TIAM1: variants seen among roughly 807,000 people sequenced by gnomAD.
TIAM1 encodes TIAM Rac1 associated GEF 1.
A neutral mutation model predicts 163.5 loss-of-function variants in TIAM1; 65 were observed. The observed-to-expected ratio is 0.40, with a 90% CI of 0.33 to 0.49. The LOEUF (loss-of-function observed/expected upper bound fraction) is 0.49. Ranked by LOEUF, TIAM1 falls within the 20% of genes least tolerant of loss-of-function variation. TIAM1 has a pLI of 0.77. For synonymous variants in TIAM1, 833 were observed against 810.1 expected, an observed-to-expected ratio of 1.03 and a Z score of -0.48; for missense variants, 1,789 against 2,044.7, an observed-to-expected ratio of 0.87 and a Z score of 2.41.
At chr21:31,505,415 G>A (rs2046991713) in intron 1 of TIAM1, among the ~76,000 whole-genome samples, 2 of 152,008 alleles carry the variant, frequency 1.3e-5, no homozygotes, top group African/African-American at 4.8e-5. Flanking sequence ...GATAAACAAA[G>A]AGCAAAGAGA....
At chr21:31,343,153 A>G (rs2076069431) in intron 1 of TIAM1, among the ~76,000 whole-genome samples, 1 of 152,186 alleles carries the variant, frequency 6.6e-6, no homozygotes, top group African/African-American at 2.4e-5. Flanking sequence ...AACAAAAACC[A>G]GCTCCAGCTG....
In TIAM1 at chr21:31,182,614, G is replaced by A; in HGVS notation, c.2694C>T (p.Ile898=). Residue 898 remains isoleucine, a synonymous_variant, in exon 15 of 28, where the codon ATC becomes ATT. Transcript: ENST00000541036. The part of the protein sequence containing the change: ...GLKAGDEILE[I]NNRAADALNS... ...TCAGGGCGTCAGCAGCACGATTATT[G>A]ATCTCAAGAATCTCATCTCCTGCTT... The A allele has an allele frequency of 1.9e-6, 3 of 1,612,442 alleles. No homozygotes were observed. The highest frequency in any genetic ancestry group is 2.5e-6 in the Non-Finnish European group (3 of 1,179,556).
chr21:31,162,758 C>T (rs1031087690), intron 16 of TIAM1, among the ~76,000 whole-genome samples: 2 of 151,968 alleles, frequency 1.3e-5, no homozygotes, highest in African/African-American at 4.8e-5. Context: ...TCTCCTGCCT[C>T]AGCCTCCCGA....
chr21:31,558,812 G>C (rs2048985808), intron 1 of TIAM1: 1 of 152,300 alleles, frequency 6.6e-6, no homozygotes, highest in African/African-American at 2.4e-5. Context: ...CAGTGTGCGG[G>C]AGACGGGGGT....
At chr21:31,364,148 G>C (rs918698130) in intron 2 of TIAM1, among the ~76,000 whole-genome samples, 1 of 152,142 alleles carries the variant, frequency 6.6e-6, no homozygotes, top group African/African-American at 2.4e-5. Flanking sequence ...AATAGCACTA[G>C]CCGATAGCTT....
chr21:31,504,493 A>G (rs1480531668), intron 1 of TIAM1, among the ~76,000 whole-genome samples: 5 of 152,236 alleles, frequency 3.3e-5, no homozygotes, highest in Non-Finnish European at 7.3e-5. Flanking sequence ...ATGCCACTGT[A>G]AGAAGCAGAA....
At chr21:31,186,921 C>T (rs1249255365) in intron 14 of TIAM1, 80 bp downstream of exon 14, 8 of 1,148,698 alleles carry the variant, frequency 7.0e-6, no homozygotes, top group Non-Finnish European at 1.0e-5. Context: ...ATCCTTTGGG[C>T]ATATCTTTCT....
At chr21:31,185,080 T>A (rs1273062180) in intron 14 of TIAM1, among the ~76,000 whole-genome samples, 1 of 152,170 alleles carries the variant, frequency 6.6e-6, no homozygotes, top group Non-Finnish European at 1.5e-5. Context: ...ACACAACAGA[T>A]GCAAGGTAAG....
chr21:31,528,815 TAAAC>T (rs1411863903), intron 1 of TIAM1, among the ~76,000 whole-genome samples: 12 of 76,752 alleles, frequency 1.6e-4, no homozygotes, highest in East Asian at 8.9e-4. Flanking sequence ...AATAAATAAA[TAAAC>T]AAACAAATTA....
At chr21:31,225,382 A>C (rs1250069448) in intron 7 of TIAM1, among the ~76,000 whole-genome samples, 1 of 152,184 alleles carries the variant, frequency 6.6e-6, no homozygotes, top group South Asian at 2.1e-4. Flanking sequence ...AGTCCCCACC[A>C]TAAGAGAACT....
Position 31,468,482 on chromosome 21 carries a change from C to CA in TIAM1, c.-421-4448dup, listed in dbSNP as rs1028649328. On this transcript the variant is annotated intron_variant, in intron 1 of 28. Transcript: ENST00000286827. ...TGGACAACAAAGTGAGACTACCTCT[C>CA]AAAAAAAAAAAAGACCGGGCACGGT... Among the ~76,000 whole-genome samples, 874 of 132,546 alleles carry CA rather than the reference C, an allele frequency of 6.6e-3. 10 individuals are homozygous for CA. Among genetic ancestry groups the CA allele is most frequent in the African/African-American group, 0.021 (735 of 35,834 alleles). 87.0% of individuals were successfully genotyped at this position (132,546 alleles called of 152,430 possible).
chr21:31,195,390 C>T (rs2085795419), intron 12 of TIAM1, 85 bp from the exon 13 acceptor site: 1 of 946,990 alleles, frequency 1.1e-6, no homozygotes, highest in African/African-American at 1.7e-5. Context: ...TCTATTTTTT[C>T]ACAATTGATA....
chr21:31,494,610 C>T (rs1449199823), intron 1 of TIAM1, among the ~76,000 whole-genome samples: 2 of 152,138 alleles, frequency 1.3e-5, no homozygotes, highest in South Asian at 2.1e-4. Context: ...TTTGGGAGGC[C>T]GAGGCAGGTG....
intron 5 of TIAM1, among the ~76,000 whole-genome samples, 173 bp downstream of exon 5, chr21:31,251,569 G>A (rs2071804940): frequency 1.3e-5 from 2 of 152,196 alleles, no homozygotes; most frequent in South Asian, 2.1e-4. Flanking sequence ...TAAAATGTAA[G>A]AGGGTAGATT....
chr21:31,240,644 C>T (rs2071117966), intron 6 of TIAM1, among the ~76,000 whole-genome samples: 1 of 152,204 alleles, frequency 6.6e-6, no homozygotes, highest in Non-Finnish European at 1.5e-5. Context: ...GCTATTTGAC[C>T]TGACTCAGAC....
At chr21:31,485,954 C>G (rs1395860456) in intron 1 of TIAM1, among the ~76,000 whole-genome samples, 2 of 152,196 alleles carry the variant, frequency 1.3e-5, no homozygotes, top group East Asian at 3.9e-4. Flanking sequence ...CCTGCCTAAC[C>G]ACATGTTCGC....
intron 2 of TIAM1, among the ~76,000 whole-genome samples, chr21:31,390,823 T>A (rs997913771): frequency 1.3e-5 from 2 of 152,198 alleles, no homozygotes; most frequent in African/African-American, 4.8e-5. Flanking sequence ...TGAATTCTAA[T>A]ACATTCCAAA....
At chr21:31,336,209 T>C (rs2075833589) in intron 2 of TIAM1, among the ~76,000 whole-genome samples, 1 of 152,208 alleles carries the variant, frequency 6.6e-6, no homozygotes, top group Non-Finnish European at 1.5e-5. Flanking sequence ...GGGACATATT[T>C]CTGTTATCTT....
rs373592719 is a variant in TIAM1 at position 31,246,858 on chromosome 21, C to T, written c.1412-1198G>A. ...TTTTTTTTCTCTTGGTACAGTTTGA[C>T]CATGGGCTCTGCTTACAAGTCCTTA... On this transcript the variant is annotated intron_variant, in intron 5 of 27. Coordinates refer to ENST00000541036, the MANE Select transcript of TIAM1 (RefSeq NM_001353694.2). 2.0e-5 allele frequency among the ~76,000 whole-genome samples: 3 copies of T among 152,120 alleles called. No individual in the cohort carries two copies. The East Asian group carries it at 5.8e-4, about 29-fold the overall frequency.
Sources: gnomAD v4.1 joint callset for allele counts (sites outside exome capture counted in the v4.1 genomes callset) on GRCh38, gnomAD v4.1.1 for gene constraint, MANE v1.5 for transcripts, NCBI Gene and HGNC (gene_info 2026-07-23, HGNC 2026-07-21) for gene names.